Variants in SLC45A2 observed in about 807,000 individuals in gnomAD.
SLC45A2 encodes the protein membrane-associated transporter protein.
SLC45A2 carries 36 observed loss-of-function variants against 45.5 expected under a neutral mutation model. That is an observed-to-expected ratio of 0.79 (90% CI 0.61 to 1.04). The LOEUF (loss-of-function observed/expected upper bound fraction) is 1.04, where lower values mean the gene tolerates loss of function less well. Among genes scored for constraint, SLC45A2 ranks in the 50% least tolerant of loss-of-function variants. The probability of loss-of-function intolerance (pLI) is 0.00; values close to 1 mark genes in which losing one functional copy is unlikely to be tolerated. For synonymous variants in SLC45A2, 306 were observed against 269.3 expected (o/e 1.14, Z -1.33); for missense variants, 719 against 671.0 (o/e 1.07, Z -0.79).
intron 2 of SLC45A2, chr5:33,970,853 A>G (rs1406826902): frequency 6.1e-6 from 2 of 327,200 alleles, no homozygotes; most frequent in East Asian, 1.5e-4. Context: ...AACAAATAGC[A>G]CTTCTCATCA....
rs1184883440 is a variant in SLC45A2, at chr5:33,963,886, AG to A, written c.692del (p.Thr231MetfsTer49). Reference protein sequence around the residue: ...FSALVLTLCFTVHLCSISEAP... With the variant: ...FSALVLTLCFXVHLCSISEAP... Reference sequence around the variant, plus strand: ...CTTCAGAGATACTGCACAGATGAACAGTAAAACACAAAGTGAGCACCAATGC... The same window carrying A: ...CTTCAGAGATACTGCACAGATGAACATAAAACACAAAGTGAGCACCAATGC... On this transcript the variant is annotated frameshift_variant, in exon 3 of 7. Coordinates refer to ENST00000296589, the MANE Select transcript of SLC45A2 (RefSeq NM_016180.5). LOFTEE classifies it high-confidence loss of function. 2.5e-6 allele frequency: 4 copies of A among 1,614,084 alleles called. No homozygotes were observed. Among genetic ancestry groups the A allele is most frequent in the Non-Finnish European group, 3.4e-6 (4 of 1,180,042 alleles).
chr5:33,964,283 G>A (rs1459267600), intron 2 of SLC45A2, among the ~76,000 whole-genome samples: 1 of 152,096 alleles, frequency 6.6e-6, no homozygotes, highest in Non-Finnish European at 1.5e-5. Context: ...CTACTAGTAG[G>A]GTCATGATTT....
intron 3 of SLC45A2, among the ~76,000 whole-genome samples, chr5:33,961,765 A>G (rs2111955317): frequency 6.6e-6 from 1 of 152,252 alleles, no homozygotes; most frequent in East Asian, 1.9e-4. Context: ...GTTCCTGCCA[A>G]GGAACTCTGT....
At chr5:33,955,932 AT>A (rs915124348) in intron 3 of SLC45A2, among the ~76,000 whole-genome samples, 19 of 151,746 alleles carry the variant, frequency 1.3e-4, no homozygotes, top group Middle Eastern at 3.4e-3. Context: ...TGAAACACTG[AT>A]TTTTTTTTAA....
intron 2 of SLC45A2, among the ~76,000 whole-genome samples, chr5:33,965,458 C>T (rs2111967030): frequency 6.6e-6 from 1 of 152,306 alleles, no homozygotes; most frequent in African/African-American, 2.4e-5. Context: ...AATAAAGCAT[C>T]ATTAGCATGT....
At chr5:33,948,410 T>C (rs1752000785) in intron 5 of SLC45A2, among the ~76,000 whole-genome samples, 1 of 151,492 alleles carries the variant, frequency 6.6e-6, no homozygotes, top group South Asian at 2.2e-4. Flanking sequence ...CCCTGCCCCA[T>C]TCTCCTGGAA....
At chr5:33,958,434 A>G (rs1364037) in intron 3 of SLC45A2, among the ~76,000 whole-genome samples, 5,635 of 152,254 alleles carry the variant, frequency 0.037, 378 homozygotes, top group African/African-American at 0.13. Flanking sequence ...TTGGAAGAGA[A>G]GTGCAAATCC....
At chr5:33,947,018 A>G in intron 6 of SLC45A2, 145 bp downstream of exon 6, 1 of 1,595,178 alleles carries the variant, frequency 6.3e-7, no homozygotes, top group South Asian at 1.1e-5. Flanking sequence ...GTACCAGATC[A>G]TGGTTGCAGT....
At chr5:33,971,819 A>T (rs1172417914) in intron 2 of SLC45A2, among the ~76,000 whole-genome samples, 2 of 151,824 alleles carry the variant, frequency 1.3e-5, no homozygotes, top group Non-Finnish European at 2.9e-5. Context: ...TACAGACGAG[A>T]TTTCACCACA....
intron 4 of SLC45A2, among the ~76,000 whole-genome samples, chr5:33,953,136 T>C (rs1156868820): frequency 5.4e-5 from 8 of 148,878 alleles, no homozygotes; most frequent in Non-Finnish European, 8.9e-5. Flanking sequence ...CTATTGTGAA[T>C]AGTGCCGCAG....
chr5:33,953,342 C>T (rs1411392265), intron 4 of SLC45A2, among the ~76,000 whole-genome samples: 1 of 134,780 alleles, frequency 7.4e-6, no homozygotes, highest in Non-Finnish European at 1.6e-5. Context: ...TTCTCCACAT[C>T]CTCTCCAGCA....
At chr5:33,968,831 T>C (rs1752683373) in intron 2 of SLC45A2, among the ~76,000 whole-genome samples, 1 of 152,050 alleles carries the variant, frequency 6.6e-6, no homozygotes, top group Non-Finnish European at 1.5e-5. Flanking sequence ...GCTCAAGTCA[T>C]GAGAGCTAGC....
At chr5:33,974,907 C>T (rs1039189426) in intron 2 of SLC45A2, among the ~76,000 whole-genome samples, 4 of 151,898 alleles carry the variant, frequency 2.6e-5, no homozygotes, top group African/African-American at 9.7e-5. Flanking sequence ...TATATATGTG[C>T]AGGTTTGTAC....
chr5:33,969,452 C>G (rs2111979286), intron 2 of SLC45A2, among the ~76,000 whole-genome samples: 1 of 152,298 alleles, frequency 6.6e-6, no homozygotes, highest in East Asian at 1.9e-4. Context: ...CCACCTACCT[C>G]TAATCCTGGC....
Position 33,963,681 on chromosome 5 carries a change from G to C in SLC45A2, c.888+10C>G, listed in dbSNP as rs761390776. On this transcript the variant is annotated intron_variant, in intron 3 of 6. Transcript: ENST00000296589. Reference sequence around the variant, plus strand: ...TTTTCCCTTGTAAAGAAAAAATGTTGCATCTTTACCTGTTCAGCATGATTT... The same window carrying C: ...TTTTCCCTTGTAAAGAAAAAATGTTCCATCTTTACCTGTTCAGCATGATTT... 55 of 1,612,258 alleles carry C rather than the reference G, an allele frequency of 3.4e-5. 1 individual carries two copies. The East Asian group carries it at 3.8e-4, about 11-fold the overall frequency.
In SLC45A2 at chr5:33,963,772, A is replaced by T; in HGVS notation, c.807T>A (p.Gly269=). The T allele has an allele frequency of 6.2e-7, 1 of 1,614,198 alleles. No individual in the cohort carries two copies. Among genetic ancestry groups the T allele is most frequent in the Non-Finnish European group, 8.5e-7 (1 of 1,180,036 alleles). The change falls in exon 3 of 7, where the codon GGT becomes GGA. Residue 269 remains glycine (G), a synonymous_variant. Transcript: ENST00000296589. ...AACCATTTTTAACTTTCTCGATAGAACCATACTCGTACATTCCATCTGATG... is the reference window on the plus strand; with the variant it reads ...AACCATTTTTAACTTTCTCGATAGATCCATACTCGTACATTCCATCTGATG... ...PLSSDGMYEY[G]SIEKVKNGYV... is the part of the protein sequence containing the mutation.
intron 5 of SLC45A2, among the ~76,000 whole-genome samples, chr5:33,947,823 C>T (rs1751984732): frequency 6.6e-6 from 1 of 152,186 alleles, no homozygotes; most frequent in South Asian, 2.1e-4. Context: ...ATTGAAACAA[C>T]CAAAATTTAC....
rs1753169014 is a variant in SLC45A2, at chr5:33,984,242, G to A, written c.342C>T (p.Leu114=). The part of the protein sequence containing the change: ...PYILTLGVMM[L]VGMALYLNGA... ...CATTGAGGTACAGAGCCATGCCCAC[G>A]AGCATCATGACTCCCAGGGTGAGGA... is the stretch of plus-strand genomic sequence containing the variant. Residue 114 remains leucine (L), a synonymous_variant, in exon 1 of 7, where the codon CTC becomes CTT. Coordinates refer to ENST00000296589, the MANE Select transcript of SLC45A2 (RefSeq NM_016180.5). 6 of 1,613,980 alleles carry A rather than the reference G, an allele frequency of 3.7e-6. No individual in the cohort carries two copies. The highest frequency in any genetic ancestry group is 1.3e-5 in the African/African-American group (1 of 74,934).
At chr5:33,953,578 A>G (rs1480768748) in intron 4 of SLC45A2, among the ~76,000 whole-genome samples, 2 of 150,778 alleles carry the variant, frequency 1.3e-5, no homozygotes, top group Admixed American at 1.3e-4. Flanking sequence ...ATGGAAAGGA[A>G]CAACCGGTAC....
Sources: gnomAD v4.1 joint callset for allele counts (sites outside exome capture counted in the v4.1 genomes callset) on GRCh38, gnomAD v4.1.1 for gene constraint, MANE v1.5 for transcripts, NCBI Gene and HGNC (gene_info 2026-07-23, HGNC 2026-07-21) for gene names.